The following TC2N variants were observed in gnomAD, a reference collection of about 807,000 sequenced individuals.
The protein encoded by TC2N is tandem C2 domains, nuclear, also known as tandem C2 domains nuclear protein.
In TC2N, 51 loss-of-function variants were observed where a neutral mutation model predicts 61.9. That is an observed-to-expected ratio of 0.82 (90% confidence interval 0.66 to 1.04). The LOEUF (loss-of-function observed/expected upper bound fraction) is 1.04. Ranked by LOEUF, TC2N falls within the 50% of genes least tolerant of loss-of-function variation. The pLI is 0.00. For synonymous variants in TC2N, 204 were observed against 192.6 expected, an observed-to-expected ratio of 1.06 and a Z score of -0.49; for missense variants, 556 against 566.7, an observed-to-expected ratio of 0.98 and a Z score of 0.19.
intron 3 of TC2N, among the ~76,000 whole-genome samples, chr14:91,810,343 C>A (rs1447757698): frequency 6.6e-6 from 1 of 151,506 alleles, no homozygotes; most frequent in Non-Finnish European, 1.5e-5. Flanking sequence ...CAAACCATAT[C>A]AGGAGGGAAA....
At chr14:91,829,662 G>A (rs1887660137) in intron 1 of TC2N, among the ~76,000 whole-genome samples, 1 of 152,042 alleles carries the variant, frequency 6.6e-6, no homozygotes. Flanking sequence ...GGTTTTTCAA[G>A]CTTTTGTAGG....
At chr14:91,866,161 AC>A (rs1180746895) in intron 1 of TC2N, 1 of 151,996 alleles carries the variant, frequency 6.6e-6, no homozygotes, top group Non-Finnish European at 1.5e-5. Context: ...TCTGTGGGTG[AC>A]CCCGTTGGCT....
At chr14:91,807,472 C>T (rs1179039416) in intron 3 of TC2N, among the ~76,000 whole-genome samples, 1 of 152,224 alleles carries the variant, frequency 6.6e-6, no homozygotes, top group Non-Finnish European at 1.5e-5. Flanking sequence ...CTTGCATTAG[C>T]ATGACCTGGA....
At chr14:91,840,178 C>T in intron 1 of TC2N, among the ~76,000 whole-genome samples, 1 of 152,160 alleles carries the variant, frequency 6.6e-6, no homozygotes, top group East Asian at 1.9e-4. Flanking sequence ...AAGCTCTCTC[C>T]ACTGCCCACT....
intron 3 of TC2N, among the ~76,000 whole-genome samples, chr14:91,810,601 T>C (rs896880874): frequency 1.3e-5 from 2 of 151,954 alleles, no homozygotes; most frequent in East Asian, 3.9e-4. Context: ...ACCTAGATGA[T>C]CAAGATGCTG....
intron 1 of TC2N, among the ~76,000 whole-genome samples, chr14:91,833,698 G>A (rs577689178): frequency 6.6e-6 from 1 of 152,054 alleles, no homozygotes; most frequent in South Asian, 2.1e-4. Flanking sequence ...ATTTTATTGG[G>A]TATATGTTTG....
At chr14:91,785,979 C>A (rs984798411) in intron 10 of TC2N, among the ~76,000 whole-genome samples, 1 of 152,010 alleles carries the variant, frequency 6.6e-6, no homozygotes, top group African/African-American at 2.4e-5. Context: ...AGCTTTTCAC[C>A]TAAGCATACT....
intron 1 of TC2N, among the ~76,000 whole-genome samples, chr14:91,832,647 G>A (rs1299892596): frequency 6.6e-6 from 1 of 152,152 alleles, no homozygotes; most frequent in African/African-American, 2.4e-5. Flanking sequence ...TCCCGCTTGT[G>A]AGGCTATAAA....
At chr14:91,860,096 A>T (rs1377602730) in intron 1 of TC2N, among the ~76,000 whole-genome samples, 1 of 152,202 alleles carries the variant, frequency 6.6e-6, no homozygotes, top group Non-Finnish European at 1.5e-5. Flanking sequence ...AATGTCTCTT[A>T]TGTGAACAAC....
intron 9 of TC2N, among the ~76,000 whole-genome samples, chr14:91,788,393 A>C (rs1034388554): frequency 6.6e-6 from 1 of 152,200 alleles, no homozygotes; most frequent in Non-Finnish European, 1.5e-5. Context: ...TAAAAGGGAG[A>C]ATGGTTGTCC....
At chr14:91,855,080 G>A (rs1888457059) in intron 1 of TC2N, among the ~76,000 whole-genome samples, 1 of 152,096 alleles carries the variant, frequency 6.6e-6, no homozygotes, top group African/African-American at 2.4e-5. Flanking sequence ...TGTAGAAAGA[G>A]GAGATGAAGA....
chr14:91,821,442 C>T (rs914837136), intron 1 of TC2N, among the ~76,000 whole-genome samples: 2 of 151,620 alleles, frequency 1.3e-5, no homozygotes, highest in Non-Finnish European at 2.9e-5. Flanking sequence ...TATCCACATG[C>T]CCTTCCCACA....
intron 1 of TC2N, among the ~76,000 whole-genome samples, chr14:91,863,360 G>A (rs995383827): frequency 7.2e-5 from 11 of 152,194 alleles, no homozygotes; most frequent in African/African-American, 2.7e-4. Context: ...AAGACACCAA[G>A]CAAGGAGAAT....
At chr14:91,804,541 T>A (rs2139849737) in intron 3 of TC2N, among the ~76,000 whole-genome samples, 1 of 152,290 alleles carries the variant, frequency 6.6e-6, no homozygotes, top group South Asian at 2.1e-4. Flanking sequence ...CCATTTAGAA[T>A]ACAGAACGAA....
intron 3 of TC2N, among the ~76,000 whole-genome samples, chr14:91,808,200 C>T (rs1886603431): frequency 6.6e-6 from 1 of 152,156 alleles, no homozygotes. Flanking sequence ...GGTGTATCAT[C>T]TTTTAACTTT....
intron 1 of TC2N, among the ~76,000 whole-genome samples, chr14:91,834,187 T>C (rs986646143): frequency 6.6e-6 from 1 of 151,928 alleles, no homozygotes; most frequent in African/African-American, 2.4e-5. Context: ...TAAAATAGAG[T>C]CCAACACAGT....
At chr14:91,824,709 CAT>C (rs1362294141) in intron 1 of TC2N, among the ~76,000 whole-genome samples, 2 of 152,184 alleles carry the variant, frequency 1.3e-5, no homozygotes, top group African/African-American at 4.8e-5. Context: ...TAAACAAACA[CAT>C]GATACATTCA....
intron 1 of TC2N, chr14:91,836,089 G>A (rs1887987543): frequency 2.0e-5 from 3 of 152,356 alleles, no homozygotes; most frequent in Non-Finnish European, 2.9e-5. Context: ...CGCGACACAG[G>A]CGTCGCTGAG....
chr14:91,783,039 T>C lies in TC2N; in HGVS notation c.*61A>G, dbSNP rs984925426. The C allele has an allele frequency of 2.7e-6, 3 of 1,103,934 alleles. No individual in the cohort carries two copies. The highest frequency in any genetic ancestry group is 4.1e-6 in the Non-Finnish European group (3 of 733,886). The allele number at this position is 1,103,934 out of a possible 1,614,324, so 68.4% of individuals were successfully genotyped here. ...TTTGCCTCTTCTCATTGGTAGCAAA[T>C]TGAAATCATAAGTCTTCTAAAAGAA... On this transcript the variant is annotated 3_prime_UTR_variant, in exon 12 of 12. Coordinates refer to ENST00000435962, the MANE Select transcript of TC2N (RefSeq NM_001128596.3).
Sources: allele counts gnomAD v4.1 joint callset (sites outside exome capture counted in the v4.1 genomes callset), GRCh38; gene constraint gnomAD v4.1.1; transcripts MANE v1.5; gene names NCBI Gene and HGNC (gene_info 2026-07-23, HGNC 2026-07-21).